ANO5: variants seen among roughly 807,000 people sequenced by gnomAD.
ANO5 encodes the protein anoctamin 5.
A neutral mutation model predicts 121.0 loss-of-function variants in ANO5; 109 were observed. The observed-to-expected ratio is 0.90, with a 90% CI of 0.77 to 1.06. ANO5 has a LOEUF of 1.06. ANO5 is among the 50% of genes least tolerant of loss of function. The pLI, the probability that ANO5 is intolerant of heterozygous loss-of-function variation, is 0.00. For synonymous variants in ANO5, 406 were observed against 359.9 expected, an observed-to-expected ratio of 1.13 and a Z score of -1.45; for missense variants, 1,064 against 1,078.5, an observed-to-expected ratio of 0.99 and a Z score of 0.19.
intron 6 of ANO5, 58 bp downstream of exon 6, chr11:22,226,110 C>A: frequency 7.0e-7 from 1 of 1,419,464 alleles, no homozygotes; most frequent in Non-Finnish European, 9.9e-7. Context: ...TTTTCTCCTA[C>A]TCTGGCCTTT....
chr11:22,237,483 C>A (rs1190043342), intron 8 of ANO5, among the ~76,000 whole-genome samples: 1 of 152,044 alleles, frequency 6.6e-6, no homozygotes, highest in Non-Finnish European at 1.5e-5. Context: ...CTCCGTCTCC[C>A]GGGTTCAAGC....
rs771134483 is a variant in ANO5 at position 22,259,764 on chromosome 11, G to A, written c.1630+23G>A. 3.8e-6 allele frequency: 6 copies of A among 1,577,412 alleles called. No individual in the cohort carries two copies. The African/African-American group carries it at 8.1e-5, about 21-fold the overall frequency. On this transcript the variant is annotated intron_variant, in intron 15 of 21. Coordinates refer to ENST00000324559, the MANE Select transcript of ANO5 (RefSeq NM_213599.3). ...TGGGTAAGCTGGCCAAATCATTTGT[G>A]TGATTCTGAAGAATGATTCTTATTG...
intron 14 of ANO5, among the ~76,000 whole-genome samples, chr11:22,258,755 A>C (rs1171637960): frequency 6.6e-6 from 1 of 152,200 alleles, no homozygotes; most frequent in African/African-American, 2.4e-5. Context: ...CATTTTCTGT[A>C]AAGGGGCCAG....
rs764456037 is a variant in ANO5, at chr11:22,277,246, A to G, written c.2520+1047A>G. On this transcript the variant is annotated intron_variant, in intron 21 of 21. Coordinates refer to ENST00000324559, the MANE Select transcript of ANO5 (RefSeq NM_213599.3). ...AACTTTCTCCTACTGCTCAATAATTAAAGCATATTTTTTTGGTCTCATTCT... is the reference window on the plus strand; with the variant it reads ...AACTTTCTCCTACTGCTCAATAATTGAAGCATATTTTTTTGGTCTCATTCT... Among the ~76,000 whole-genome samples, 239 of 151,776 alleles carry G rather than the reference A, an allele frequency of 1.6e-3. 2 individuals are homozygous for G. Among genetic ancestry groups the G allele is most frequent in the Non-Finnish European group, 1.0e-3 (69 of 67,696 alleles).
intron 9 of ANO5, among the ~76,000 whole-genome samples, chr11:22,248,409 T>C (rs1285590626): frequency 1.3e-5 from 2 of 152,098 alleles, no homozygotes; most frequent in Non-Finnish European, 2.9e-5. Flanking sequence ...TTATTAGATT[T>C]CTCTTATTTT....
intron 16 of ANO5, among the ~76,000 whole-genome samples, 183 bp from the exon 17 acceptor site, chr11:22,262,763 T>A (rs1446113633): frequency 1.3e-5 from 2 of 152,214 alleles, no homozygotes; most frequent in Non-Finnish European, 2.9e-5. Context: ...CACAGATGAA[T>A]CTAATGCAGC....
chr11:22,270,173 T>C, intron 17 of ANO5, 139 bp from the exon 18 acceptor site: 1 of 1,116,834 alleles, frequency 9.0e-7, no homozygotes, highest in Non-Finnish European at 1.3e-6. Context: ...GCGCTTTGGC[T>C]GGTGTCATTT....
At position 22,283,199 on chromosome 11, in the gene ANO5, G is replaced by C. The variant is rs1449693954; in HGVS notation, c.*3434G>C. On this transcript the variant is annotated 3_prime_UTR_variant, in exon 22 of 22. Coordinates refer to ENST00000324559, the MANE Select transcript of ANO5 (RefSeq NM_213599.3). ...CATTATGTCTCCTGGTGTTAACACA[G>C]GAAATGAGTGCTCCTTTTTAAAATT... 6.6e-6 allele frequency: 1 copy of C among 152,194 alleles called. No individual in the cohort carries two copies. The highest frequency in any genetic ancestry group is 1.5e-5 in the Non-Finnish European group (1 of 68,030). 9.4% of individuals were successfully genotyped at this position (152,194 alleles called of 1,614,324 possible). A position where few individuals can be genotyped will look rare whatever the true frequency, so the allele number is the denominator to read the frequency against.
intron 18 of ANO5, among the ~76,000 whole-genome samples, chr11:22,271,455 G>A (rs1854609813): frequency 6.6e-6 from 1 of 152,096 alleles, no homozygotes; most frequent in South Asian, 2.1e-4. Flanking sequence ...TGTGATACAT[G>A]GATTGAAATA....
chr11:22,227,812 T>G (rs1226117527), intron 7 of ANO5, among the ~76,000 whole-genome samples: 4 of 152,202 alleles, frequency 2.6e-5, no homozygotes, highest in African/African-American at 9.6e-5. Context: ...ATGGTATGGA[T>G]GTAGTAAAGA....
chr11:22,205,177 C>G (rs1467145154), intron 2 of ANO5, among the ~76,000 whole-genome samples: 1 of 152,026 alleles, frequency 6.6e-6, no homozygotes, highest in African/African-American at 2.4e-5. Flanking sequence ...AGGGAAACAT[C>G]ACACGCTGGG....
intron 7 of ANO5, among the ~76,000 whole-genome samples, chr11:22,233,071 G>A (rs1362684544): frequency 2.0e-5 from 3 of 151,908 alleles, no homozygotes; most frequent in African/African-American, 7.3e-5. Context: ...CCTGGTAATT[G>A]AAGTGTTCAT....
intron 1 of ANO5, among the ~76,000 whole-genome samples, chr11:22,197,729 G>T (rs1389656199): frequency 6.6e-6 from 1 of 152,152 alleles, no homozygotes; most frequent in Non-Finnish European, 1.5e-5. Context: ...TGTGCTTTCA[G>T]TGAAAACTCA....
Position 22,255,405 on chromosome 11 carries a change from A to G in ANO5, c.1215A>G (p.Gln405=), listed in dbSNP as rs751839118. 77 of 1,611,998 alleles carry G rather than the reference A, an allele frequency of 4.8e-5. No individual in the cohort carries two copies. The Admixed American group carries it at 1.2e-3, about 26-fold the overall frequency. The change falls in exon 13 of 22, where the codon CAA becomes CAG. Residue 405 remains glutamine, a synonymous_variant. Transcript: ENST00000324559. ...TLFLEFWKQR[Q]ARLEYEWDLV... is the part of the protein sequence containing the mutation. ...TTTTGGAGTTTTGGAAACAACGACA[A>G]GCCAGACTGGAATATGAATGGGACC... is the stretch of plus-strand genomic sequence containing the variant.
At chr11:22,220,311 A>T (rs1188788866) in intron 4 of ANO5, among the ~76,000 whole-genome samples, 4 of 152,066 alleles carry the variant, frequency 2.6e-5, no homozygotes, top group Non-Finnish European at 5.9e-5. Context: ...AATATTAAGT[A>T]TTAGATATAA....
intron 19 of ANO5, among the ~76,000 whole-genome samples, chr11:22,274,163 T>TACACACACAC (rs34022294): frequency 0.034 from 4,831 of 143,788 alleles, 217 homozygotes; most frequent in African/African-American, 0.11. Context: ...GTTAATCTCT[T>TACACACACAC]ACACACACAC....
chr11:22,265,987 A>C (rs1169696348), intron 17 of ANO5, among the ~76,000 whole-genome samples: 1 of 152,190 alleles, frequency 6.6e-6, no homozygotes, highest in East Asian at 1.9e-4. Flanking sequence ...ACAGGTGCAA[A>C]AACAATTCAT....
At chr11:22,258,540 A>G (rs1376249062) in intron 14 of ANO5, among the ~76,000 whole-genome samples, 1 of 152,230 alleles carries the variant, frequency 6.6e-6, no homozygotes, top group East Asian at 1.9e-4. Flanking sequence ...ATTGATAGAA[A>G]GCCATCTTTG....
rs1156394263 is a variant in ANO5 at position 22,218,249 on chromosome 11, G to A, written c.142G>A (p.Ala48Thr). 11 of 1,613,284 alleles carry A rather than the reference G, an allele frequency of 6.8e-6. No homozygotes were observed. Among genetic ancestry groups the A allele is most frequent in the South Asian group, 2.2e-5 (2 of 91,084 alleles). ...TTCTTTATTGGTTGCTTCACAGCCT[G>A]CAAAGCGATTCAATTTGTTCCTGAG... Reference protein sequence around the residue: ...SFLINEETMPAKRFNLFLRRR... With the variant: ...SFLINEETMPTKRFNLFLRRR... The change falls in exon 4 of 22, where the codon GCA becomes ACA. Residue 48 changes from alanine (A) to threonine (T), a missense_variant. Transcript: ENST00000324559.
Sources: gnomAD v4.1 joint callset for allele counts (sites outside exome capture counted in the v4.1 genomes callset) on GRCh38, gnomAD v4.1.1 for gene constraint, MANE v1.5 for transcripts, NCBI Gene and HGNC (gene_info 2026-07-23, HGNC 2026-07-21) for gene names.